The following ZNF385B variants were observed in gnomAD, a reference collection of about 807,000 sequenced individuals.
The protein encoded by ZNF385B is zinc finger protein 533.
In ZNF385B, 23 loss-of-function variants were observed where a neutral mutation model predicts 39.2. That is an observed-to-expected ratio of 0.59 (90% CI 0.42 to 0.83). The LOEUF is 0.83. ZNF385B is among the 40% of genes least tolerant of loss of function. The pLI is 0.00. For missense variants in ZNF385B, 552 were observed against 598.9 expected, an observed-to-expected ratio of 0.92 and a Z score of 0.82; for synonymous variants, 205 against 222.6, an observed-to-expected ratio of 0.92 and a Z score of 0.70.
At chr2:179,618,983 C>G (rs1689987630) in intron 3 of ZNF385B, among the ~76,000 whole-genome samples, 1 of 152,036 alleles carries the variant, frequency 6.6e-6, no homozygotes, top group African/African-American at 2.4e-5. Context: ...GAATATAATG[C>G]AGTTACTATG....
intron 1 of ZNF385B, among the ~76,000 whole-genome samples, chr2:179,786,121 T>C (rs1404753446): frequency 6.6e-6 from 1 of 152,162 alleles, no homozygotes; most frequent in East Asian, 1.9e-4. Flanking sequence ...AAGGCTCAGA[T>C]GATCATTAGC....
At chr2:179,538,486 ATAT>A (rs143199346) in intron 4 of ZNF385B, among the ~76,000 whole-genome samples, 11,559 of 152,164 alleles carry the variant, frequency 0.076, 608 homozygotes, top group Non-Finnish European at 0.11. Context: ...TCTGATGAAT[ATAT>A]TATTATTTAT....
Position 179,768,454 on chromosome 2 carries a change from A to T in ZNF385B, c.298+1049T>A, listed in dbSNP as rs149399205. Among the ~76,000 whole-genome samples the T allele has an allele frequency of 2.0e-3, 302 of 152,320 alleles. 2 individuals are homozygous for T. The highest frequency in any genetic ancestry group is 6.9e-3 in the African/African-American group (287 of 41,582). ...AATGAAATTAAATCATCAACTGAGT[A>T]AAAAGTAGTTAGATTTGGCTTGAAA... On this transcript the variant is annotated intron_variant, in intron 3 of 9. Coordinates refer to ENST00000410066, the MANE Select transcript of ZNF385B (RefSeq NM_152520.6).
intron 3 of ZNF385B, among the ~76,000 whole-genome samples, chr2:179,625,182 C>T (rs539372941): frequency 2.0e-5 from 3 of 152,170 alleles, no homozygotes; most frequent in South Asian, 4.1e-4. Flanking sequence ...TGATTTTTGG[C>T]CATGTATACA....
intron 3 of ZNF385B, among the ~76,000 whole-genome samples, chr2:179,643,300 T>A (rs969679735): frequency 6.6e-6 from 1 of 152,144 alleles, no homozygotes; most frequent in Non-Finnish European, 1.5e-5. Flanking sequence ...ATTTAGATGA[T>A]CTGTGTGTTT....
intron 3 of ZNF385B, among the ~76,000 whole-genome samples, chr2:179,549,226 T>A (rs1323728182): frequency 6.7e-6 from 1 of 149,592 alleles, no homozygotes; most frequent in Non-Finnish European, 1.5e-5. Flanking sequence ...TTGATAGGCA[T>A]TTGAATTACT....
chr2:179,518,499 A>G (rs760238507), intron 5 of ZNF385B, 29 bp downstream of exon 5: 9 of 1,471,086 alleles, frequency 6.1e-6, no homozygotes, highest in South Asian at 1.2e-5. Context: ...CTGACAAACT[A>G]CAGAGAATAA....
chr2:179,775,843 T>C (rs566962754), intron 1 of ZNF385B, among the ~76,000 whole-genome samples: 1 of 152,340 alleles, frequency 6.6e-6, no homozygotes, highest in South Asian at 2.1e-4. Flanking sequence ...ATATGAAAGG[T>C]TGTCTTCACT....
intron 3 of ZNF385B, among the ~76,000 whole-genome samples, chr2:179,653,071 G>T (rs1201458666): frequency 1.3e-5 from 2 of 152,078 alleles, no homozygotes; most frequent in African/African-American, 2.4e-5. Flanking sequence ...TAAAGTAATG[G>T]TTATCTCTGT....
chr2:179,773,947 G>A (rs745952477), intron 1 of ZNF385B, among the ~76,000 whole-genome samples: 3 of 152,088 alleles, frequency 2.0e-5, no homozygotes, highest in South Asian at 2.1e-4. Flanking sequence ...TAAATGAATG[G>A]CTGTATTTGT....
chr2:179,532,623 C>G (rs1415880243), intron 4 of ZNF385B, among the ~76,000 whole-genome samples: 2 of 152,212 alleles, frequency 1.3e-5, no homozygotes, highest in South Asian at 4.1e-4. Context: ...CTTGGCCCTT[C>G]AGTCTTCATG....
intron 5 of ZNF385B, among the ~76,000 whole-genome samples, chr2:179,516,453 A>G (rs1276665148): frequency 6.6e-6 from 1 of 152,098 alleles, no homozygotes; most frequent in Non-Finnish European, 1.5e-5. Context: ...GATCCTATCA[A>G]TTTGTTTAAT....
chr2:179,796,830 A>G (rs1705695332), intron 1 of ZNF385B, among the ~76,000 whole-genome samples: 1 of 152,268 alleles, frequency 6.6e-6, no homozygotes, highest in East Asian at 1.9e-4. Flanking sequence ...ACCGAAAGCC[A>G]AAGGGCAGCA....
At chr2:179,717,811 A>G (rs1700426666) in intron 3 of ZNF385B, among the ~76,000 whole-genome samples, 1 of 152,202 alleles carries the variant, frequency 6.6e-6, no homozygotes, top group African/African-American at 2.4e-5. Context: ...ACCTACAAAA[A>G]CAATTATGAG....
chr2:179,790,314 A>G (rs1306459117), intron 1 of ZNF385B, among the ~76,000 whole-genome samples: 2 of 152,152 alleles, frequency 1.3e-5, no homozygotes, highest in Non-Finnish European at 2.9e-5. Flanking sequence ...GAATTAATTC[A>G]CATTGTTGTT....
intron 1 of ZNF385B, among the ~76,000 whole-genome samples, chr2:179,849,910 G>A (rs1708991169): frequency 6.6e-6 from 1 of 152,204 alleles, no homozygotes; most frequent in Non-Finnish European, 1.5e-5. Context: ...GTTGAGCTCA[G>A]CTGTGATGGG....
At chr2:179,676,384 A>G (rs1233815922) in intron 3 of ZNF385B, among the ~76,000 whole-genome samples, 2 of 146,984 alleles carry the variant, frequency 1.4e-5, no homozygotes, top group Non-Finnish European at 3.0e-5. Flanking sequence ...CACCACGCCC[A>G]GCCTAATTTT....
chr2:179,461,170 A>G (rs1056068672), intron 6 of ZNF385B, among the ~76,000 whole-genome samples: 15 of 152,220 alleles, frequency 9.9e-5, no homozygotes, highest in African/African-American at 3.6e-4. Context: ...TGGAGGCACC[A>G]GATCACATAC....
At chr2:179,646,362 A>T (rs1692719606) in intron 3 of ZNF385B, among the ~76,000 whole-genome samples, 1 of 152,248 alleles carries the variant, frequency 6.6e-6, no homozygotes, top group Admixed American at 6.5e-5. Flanking sequence ...CAGTGAGCCG[A>T]GATTGCGCCA....
Sources: allele counts gnomAD v4.1 joint callset (sites outside exome capture counted in the v4.1 genomes callset), GRCh38; gene constraint gnomAD v4.1.1; transcripts MANE v1.5; gene names NCBI Gene and HGNC (gene_info 2026-07-23, HGNC 2026-07-21).